LOXHD1: variants seen among roughly 807,000 people sequenced by gnomAD.
LOXHD1 encodes lipoxygenase homology domain-containing protein 1.
A neutral mutation model predicts 248.2 loss-of-function variants in LOXHD1; 205 were observed. The observed-to-expected ratio is 0.83, with a 90% confidence interval of 0.74 to 0.93. The LOEUF (loss-of-function observed/expected upper bound fraction) is 0.93. LOXHD1 is among the 40% of genes least tolerant of loss of function. The pLI is 0.00. For synonymous variants in LOXHD1, 1,113 were observed against 1,162.8 expected (o/e 0.96, Z 0.87); for missense variants, 2,930 against 2,971.6 (o/e 0.99, Z 0.33).
At chr18:46,642,191 G>T (rs765964753) in intron 2 of LOXHD1, among the ~76,000 whole-genome samples, 155 bp from the exon 3 acceptor site, 30 of 152,232 alleles carry the variant, frequency 2.0e-4, no homozygotes, top group Non-Finnish European at 3.8e-4. Context: ...CTTCTGACAT[G>T]GTTCCCAGGG....
intron 6 of LOXHD1, among the ~76,000 whole-genome samples, 151 bp from the exon 7 acceptor site, chr18:46,604,380 A>G (rs2038383147): frequency 6.6e-6 from 1 of 152,202 alleles, no homozygotes; most frequent in Non-Finnish European, 1.5e-5. Flanking sequence ...CAAGGACACA[A>G]CTGTGTCCAG....
At chr18:46,498,780 T>G (rs1461107485) in intron 37 of LOXHD1, among the ~76,000 whole-genome samples, 1 of 152,238 alleles carries the variant, frequency 6.6e-6, no homozygotes, top group South Asian at 2.1e-4. Context: ...ACTGCAAAGA[T>G]CATATTTCCA....
rs187699652 is a variant in LOXHD1 at position 46,535,015 on chromosome 18, G to A, written c.4096-564C>T. 3.3e-3 allele frequency among the ~76,000 whole-genome samples: 495 copies of A among 152,070 alleles called. 2 individuals are homozygous for A. The highest frequency in any genetic ancestry group is 0.011 in the African/African-American group (476 of 41,468). ...ACCTAACCCATACCTGCTCAACCTC[G>A]TAATCCAGGTCTCAACTCAATGATC... On this transcript the variant is annotated intron_variant, in intron 26 of 40. Transcript: ENST00000642948.
rs768334641 is a variant in LOXHD1 at position 46,560,167 on chromosome 18, C to A, written c.2977G>T (p.Glu993Ter). ...MQEVIEQHKF[E>*]AHRWLARGKE... ...CCCCGGGCCAGCCAGCGGTGGGCTT[C>A]GAACTTGTGCTGCTCAATCACCTCC... is the stretch of plus-strand genomic sequence containing the variant. Residue 993 changes from glutamate to a stop codon, truncating the protein, a stop_gained, in exon 19 of 41, where the codon GAA (glutamate) becomes TAA (stop). Transcript: ENST00000642948. LOFTEE classifies it high-confidence loss of function. 8.4e-6 allele frequency: 13 copies of A among 1,551,276 alleles called. No homozygotes were observed. The highest frequency in any genetic ancestry group is 1.1e-5 in the Non-Finnish European group (13 of 1,146,914).
At position 46,568,784 on chromosome 18, in the gene LOXHD1, T is replaced by C. The variant is rs574221089; in HGVS notation, c.2244+658A>G. ...TGCAAACCTCTGCACAAACCTAAGT[T>C]GGGTTCAGTTCACACTGGCCTCTTT... On this transcript the variant is annotated intron_variant, in intron 16 of 40. Transcript: ENST00000642948. 3.3e-5 allele frequency among the ~76,000 whole-genome samples: 5 copies of C among 152,308 alleles called. No individual in the cohort carries two copies. In the South Asian group the frequency reaches 1.0e-3, roughly 32 times the overall value.
At chr18:46,545,183 C>T (rs144148594) in intron 23 of LOXHD1, 134 bp downstream of exon 23, 8 of 661,954 alleles carry the variant, frequency 1.2e-5, no homozygotes, top group Middle Eastern at 3.1e-4. Context: ...CTGCCTTTCT[C>T]GATGGGGCTA....
intron 37 of LOXHD1, among the ~76,000 whole-genome samples, chr18:46,501,225 T>C (rs2034208704): frequency 1.3e-5 from 2 of 152,256 alleles, no homozygotes; most frequent in Admixed American, 6.5e-5. Context: ...TTTGTGGACA[T>C]ATGCAGAGTG....
intron 29 of LOXHD1, 36 bp downstream of exon 29, chr18:46,529,141 G>A (rs1451090210): frequency 6.4e-7 from 1 of 1,550,798 alleles, no homozygotes; most frequent in African/African-American, 1.4e-5. Flanking sequence ...GCCTGGAGAG[G>A]AGGGAAGGAG....
intron 37 of LOXHD1, among the ~76,000 whole-genome samples, chr18:46,503,587 T>C (rs1479623363): frequency 5.3e-5 from 8 of 152,216 alleles, no homozygotes; most frequent in Non-Finnish European, 1.0e-4. Context: ...TCAGAATGGA[T>C]GATGAGATGG....
chr18:46,543,417 A>T (rs550745697), intron 23 of LOXHD1, among the ~76,000 whole-genome samples: 10 of 152,078 alleles, frequency 6.6e-5, no homozygotes, highest in South Asian at 4.1e-4. Context: ...TTTATCTTTT[A>T]AAAAAAATTT....
intron 18 of LOXHD1, 83 bp from the exon 19 acceptor site, chr18:46,560,628 G>T: frequency 7.8e-7 from 1 of 1,287,966 alleles, no homozygotes; most frequent in Non-Finnish European, 1.0e-6. Context: ...CAAAGAGCCA[G>T]GCACAAGGCC....
At chr18:46,628,746 G>A (rs971376356) in intron 4 of LOXHD1, among the ~76,000 whole-genome samples, 2 of 152,198 alleles carry the variant, frequency 1.3e-5, no homozygotes, top group Non-Finnish European at 2.9e-5. Flanking sequence ...CAAGCACCAC[G>A]CTATTGTGTC....
At chr18:46,553,614 C>A (rs528275455) in intron 21 of LOXHD1, among the ~76,000 whole-genome samples, 8 of 152,194 alleles carry the variant, frequency 5.3e-5, no homozygotes, top group Non-Finnish European at 7.4e-5. Flanking sequence ...GCCAGACATT[C>A]TTCTACGTGC....
intron 35 of LOXHD1, 41 bp from the exon 36 acceptor site, chr18:46,507,753 C>T: frequency 6.6e-7 from 1 of 1,525,692 alleles, no homozygotes; most frequent in Non-Finnish European, 8.8e-7. Context: ...CCTGTCCTCC[C>T]TCACCTCCAC....
intron 1 of LOXHD1, among the ~76,000 whole-genome samples, chr18:46,654,097 G>A (rs2039148136): frequency 6.6e-6 from 1 of 152,180 alleles, no homozygotes; most frequent in East Asian, 1.9e-4. Context: ...AAGGGATTGG[G>A]TGCCGTTATA....
At chr18:46,614,633 G>A (rs977598406) in intron 5 of LOXHD1, among the ~76,000 whole-genome samples, 8 of 151,946 alleles carry the variant, frequency 5.3e-5, no homozygotes, top group South Asian at 2.1e-4. Flanking sequence ...ATGAGTTAAC[G>A]GGTGCAGCAC....
chr18:46,626,408 C>T (rs537891460), intron 4 of LOXHD1, among the ~76,000 whole-genome samples: 39 of 152,280 alleles, frequency 2.6e-4, no homozygotes, highest in African/African-American at 9.4e-4. Context: ...TGTGGTGGCA[C>T]ATGCCTGTAA....
At chr18:46,545,627 C>CTTTTTTT (rs56323729) in intron 22 of LOXHD1, among the ~76,000 whole-genome samples, 9,058 of 91,522 alleles carry the variant, frequency 0.099, 1,262 homozygotes, top group African/African-American at 0.13. Flanking sequence ...TTGGCCATTT[C>CTTTTTTT]TTTTTTTTTT....
In LOXHD1 at chr18:46,522,264, G is replaced by A. The variant is rs992296929; in HGVS notation, c.4922C>T (p.Ala1641Val). The change falls in exon 32 of 41, where the codon GCG (alanine) becomes GTG (valine). Residue 1641 changes from alanine to valine, a missense_variant. By Grantham distance (64) the Ala-to-Val change is moderately conservative. Coordinates refer to ENST00000642948, the MANE Select transcript of LOXHD1 (RefSeq NM_001384474.1). ...VSVTTGKHKD[A>V]ATDSRAFIFL... ...GATGAAGGCTCGGCTGTCAGTGGCC[G>A]CGTCCTTGTGCTTCCCAGTGGTGAC... 16 of 1,551,660 alleles carry A rather than the reference G, an allele frequency of 1.0e-5. No individual in the cohort carries two copies. Among genetic ancestry groups the A allele is most frequent in the Admixed American group, 3.9e-5 (2 of 50,986 alleles).
Sources: allele counts gnomAD v4.1 joint callset (sites outside exome capture counted in the v4.1 genomes callset), GRCh38; gene constraint gnomAD v4.1.1; transcripts MANE v1.5; gene names NCBI Gene and HGNC (gene_info 2026-07-23, HGNC 2026-07-21).